The following ARHGEF18 variants were observed in gnomAD, a reference collection of about 807,000 sequenced individuals.
The protein encoded by ARHGEF18 is rho guanine nucleotide exchange factor 18.
ARHGEF18 carries 93 observed loss-of-function variants against 155.7 expected under a neutral mutation model. The observed-to-expected ratio is 0.60, with a 90% CI of 0.50 to 0.71. The LOEUF (loss-of-function observed/expected upper bound fraction) is 0.71. Ranked by LOEUF, ARHGEF18 falls within the 30% of genes least tolerant of loss-of-function variation. The pLI is 0.00. For synonymous variants in ARHGEF18, 742 were observed against 753.1 expected, an observed-to-expected ratio of 0.99 and a Z score of 0.24; for missense variants, 1,593 against 1,816.1, an observed-to-expected ratio of 0.88 and a Z score of 2.23.
At position 7,436,191 on chromosome 19, in the gene ARHGEF18, TTTC is replaced by T. The variant is rs1292879734; in HGVS notation, c.968-4147_968-4145del. Among the ~76,000 whole-genome samples, 102 of 84,226 alleles carry T rather than the reference TTTC, an allele frequency of 1.2e-3. 2 individuals are homozygous for T. The highest frequency in any genetic ancestry group is 1.4e-3 in the Admixed American group (11 of 7,756). 55.3% of individuals were successfully genotyped at this position (84,226 alleles called of 152,430 possible). A position where few individuals can be genotyped will look rare whatever the true frequency, so the allele number is the denominator to read the frequency against. On this transcript the variant is annotated intron_variant, in intron 10 of 28. Transcript: ENST00000668164. ...TTATTAAAATTCTTTGGAATCAGCATTTCTTCTTTTTTTTTTTTTTTTTTTGCC... is the reference window on the plus strand; with the variant it reads ...TTATTAAAATTCTTTGGAATCAGCATTTCTTTTTTTTTTTTTTTTTTTGCC...
intron 1 of ARHGEF18, among the ~76,000 whole-genome samples, chr19:7,350,761 GGGGTGGGTGTGTGT>G (rs1287516515): frequency 3.1e-5 from 2 of 63,610 alleles, no homozygotes; most frequent in Non-Finnish European, 6.2e-5. Context: ...TGAGTTTTTT[GGGGTGGGTGTGTGT>G]GTGTGTGTGT....
intron 10 of ARHGEF18, among the ~76,000 whole-genome samples, chr19:7,430,696 T>C (rs891918112): frequency 1.3e-5 from 2 of 152,052 alleles, no homozygotes. Flanking sequence ...TCCCAGCCAC[T>C]TGGGAAGCTG....
chr19:7,419,718 G>A (rs900901474), intron 10 of ARHGEF18, among the ~76,000 whole-genome samples: 30 of 152,050 alleles, frequency 2.0e-4, no homozygotes, highest in Admixed American at 1.6e-3. Context: ...ACTGAGTTGC[G>A]TAGGGTGTGT....
At chr19:7,473,593 C>CCT (rs1977127812), downstream of ARHGEF18, among the ~76,000 whole-genome samples, 1 of 151,926 alleles carries the variant, frequency 6.6e-6, no homozygotes, top group Non-Finnish European at 1.5e-5. Context: ...GGGCAGATTA[C>CCT]GAGGTCAGGA....
At chr19:7,443,173 C>T (rs961478028) in intron 13 of ARHGEF18, among the ~76,000 whole-genome samples, 6 of 151,076 alleles carry the variant, frequency 4.0e-5, no homozygotes, top group African/African-American at 1.5e-4. Context: ...TCTCCTGCCT[C>T]AGCCTTCCAA....
intron 2 of ARHGEF18, 129 bp from the exon 3 acceptor site, chr19:7,372,666 GAGGAGGGCGCTGAGCCC>G: frequency 2.5e-6 from 2 of 800,668 alleles, no homozygotes; most frequent in African/African-American, 3.6e-5. Flanking sequence ...CACCCGCTGT[GAGGAGGGCGCTGAGCCC>G]AGGAGGGACA....
intron 10 of ARHGEF18, among the ~76,000 whole-genome samples, chr19:7,409,261 A>G (rs577371599): frequency 7.0e-6 from 1 of 142,262 alleles, no homozygotes; most frequent in African/African-American, 2.6e-5. Flanking sequence ...GGGTTTCACC[A>G]TGTCAGCCGG....
chr19:7,424,998 A>G (rs892033152), intron 10 of ARHGEF18, among the ~76,000 whole-genome samples: 10 of 121,488 alleles, frequency 8.2e-5, no homozygotes, highest in African/African-American at 1.2e-4. Context: ...GTCTCGGGGA[A>G]AAAAAAAAAA....
At chr19:7,415,418 C>T (rs1972948132) in intron 10 of ARHGEF18, among the ~76,000 whole-genome samples, 1 of 151,986 alleles carries the variant, frequency 6.6e-6, no homozygotes, top group Admixed American at 6.6e-5. Context: ...CCCGGTCCCC[C>T]TGCGTCCACC....
rs564081192 is a variant in ARHGEF18 at position 7,403,360 on chromosome 19, C to G, written c.967+20157C>G. On this transcript the variant is annotated intron_variant, in intron 10 of 28. Coordinates refer to ENST00000668164, the MANE Select transcript of ARHGEF18 (RefSeq NM_001367823.1). ...CCATAGCTTTCACTGCCCATTCCCC[C>G]ATCCTCCCAGCCCCCAGCAGCCACG... Among the ~76,000 whole-genome samples, 4 of 152,286 alleles carry G rather than the reference C, an allele frequency of 2.6e-5. No individual in the cohort carries two copies. In the South Asian group the frequency reaches 8.3e-4, roughly 32 times the overall value.
At chr19:7,449,602 T>G (rs1342300692) in intron 15 of ARHGEF18, among the ~76,000 whole-genome samples, 2 of 151,800 alleles carry the variant, frequency 1.3e-5, no homozygotes, top group Admixed American at 6.6e-5. Flanking sequence ...GGTTAGGGGG[T>G]GTGTGTTCAT....
At chr19:7,362,028 G>C (rs1339639864) in intron 1 of ARHGEF18, among the ~76,000 whole-genome samples, 1 of 57,918 alleles carries the variant, frequency 1.7e-5, no homozygotes, top group Admixed American at 1.5e-4. Flanking sequence ...AGAAGGAGAA[G>C]GAGAAGGAGA....
At chr19:7,431,958 G>A (rs4804170) in intron 10 of ARHGEF18, among the ~76,000 whole-genome samples, 82,050 of 151,956 alleles carry the variant, frequency 0.54, 22,695 homozygotes, top group East Asian at 0.75. Context: ...GAGGCTTTTC[G>A]TTTTGTTTTT....
chr19:7,438,612 T>C (rs1041702609), intron 10 of ARHGEF18, among the ~76,000 whole-genome samples: 14 of 152,018 alleles, frequency 9.2e-5, no homozygotes, highest in Admixed American at 7.2e-4. Context: ...GGTTTCTCCA[T>C]GTTGGCTAGG....
At chr19:7,416,415 T>G (rs909493869) in intron 10 of ARHGEF18, among the ~76,000 whole-genome samples, 2 of 151,694 alleles carry the variant, frequency 1.3e-5, no homozygotes, top group African/African-American at 4.8e-5. Flanking sequence ...ATCTCTAAAA[T>G]AACAATATAA....
chr19:7,473,294 T>A, downstream of ARHGEF18: 1 of 456,174 alleles, frequency 2.2e-6, no homozygotes, highest in Non-Finnish European at 4.4e-6. Context: ...AAGGGAACTC[T>A]CAGGCAGCAC....
chr19:7,466,140 T>C (rs1258990200), intron 23 of ARHGEF18, among the ~76,000 whole-genome samples: 1 of 151,502 alleles, frequency 6.6e-6, no homozygotes, highest in African/African-American at 2.4e-5. Flanking sequence ...TCCCAGCACT[T>C]TGGGAAGCCA....
chr19:7,407,738 G>C (rs935057731), intron 10 of ARHGEF18, among the ~76,000 whole-genome samples: 1 of 151,918 alleles, frequency 6.6e-6, no homozygotes, highest in Non-Finnish European at 1.5e-5. Context: ...CGAGACGGGC[G>C]GATCACGAGG....
downstream of ARHGEF18, among the ~76,000 whole-genome samples, chr19:7,473,551 C>G (rs367743533): frequency 2.1e-4 from 32 of 152,182 alleles, no homozygotes; most frequent in African/African-American, 7.7e-4. Flanking sequence ...GTGGCTCACG[C>G]GTGTAATCCC....
Sources: gnomAD v4.1 joint callset for allele counts (sites outside exome capture counted in the v4.1 genomes callset) on GRCh38, gnomAD v4.1.1 for gene constraint, MANE v1.5 for transcripts, NCBI Gene and HGNC (gene_info 2026-07-23, HGNC 2026-07-21) for gene names.